The following SKAP1 variants were observed in gnomAD, a reference collection of about 807,000 sequenced individuals.
The protein encoded by SKAP1 is src kinase-associated phosphoprotein 1.
A neutral mutation model predicts 58.5 loss-of-function variants in SKAP1; 44 were observed. That is an observed-to-expected ratio of 0.75 (90% CI 0.59 to 0.97). The LOEUF (loss-of-function observed/expected upper bound fraction) is 0.97. Ranked by LOEUF, SKAP1 falls within the 50% of genes least tolerant of loss-of-function variation. The pLI is 0.00. For missense variants in SKAP1, 390 were observed against 435.2 expected (o/e 0.90, Z 0.92); for synonymous variants, 127 against 149.7 (o/e 0.85, Z 1.11).
At chr17:48,430,006 C>T (rs1446639873) in intron 1 of SKAP1, 69 bp downstream of exon 1, 5 of 1,206,648 alleles carry the variant, frequency 4.1e-6, no homozygotes, top group Middle Eastern at 2.1e-4. Context: ...AAAGCCTGGC[C>T]GTGGGAGGCC....
chr17:48,235,915 A>AC (rs1378803698), intron 4 of SKAP1, among the ~76,000 whole-genome samples: 1 of 152,188 alleles, frequency 6.6e-6, no homozygotes, highest in Non-Finnish European at 1.5e-5. Flanking sequence ...AGCTCAAGGG[A>AC]CCACACTTGC....
intron 4 of SKAP1, among the ~76,000 whole-genome samples, chr17:48,246,735 T>A (rs1158256643): frequency 6.6e-6 from 1 of 152,174 alleles, no homozygotes; most frequent in Non-Finnish European, 1.5e-5. Flanking sequence ...GCTGGTCTTT[T>A]TCATCACTCT....
At chr17:48,443,085 T>C in the SKAP1 span, among the ~76,000 whole-genome samples, 1 of 152,112 alleles carries the variant, frequency 6.6e-6, no homozygotes, top group Non-Finnish European at 1.5e-5. Context: ...TCCTTCTGTC[T>C]ACAACACTCT....
At chr17:48,346,097 T>G in intron 3 of SKAP1, 91 bp from the exon 4 acceptor site, 4 of 652,610 alleles carry the variant, frequency 6.1e-6, no homozygotes, top group Non-Finnish European at 7.4e-6. Flanking sequence ...GTATGATCTC[T>G]TCCAGTATTC....
the SKAP1 span, among the ~76,000 whole-genome samples, chr17:48,435,425 G>A: frequency 6.6e-6 from 1 of 152,166 alleles, no homozygotes; most frequent in Admixed American, 6.5e-5. Context: ...CAGATGAGCT[G>A]TGCACTCTGA....
At chr17:48,208,776 C>T (rs924217679) in intron 4 of SKAP1, among the ~76,000 whole-genome samples, 19 of 152,148 alleles carry the variant, frequency 1.2e-4, no homozygotes, top group African/African-American at 4.6e-4. Flanking sequence ...ACAAAATCAC[C>T]ATAGACAATT....
chr17:48,158,295 C>G (rs1342438902), intron 11 of SKAP1, among the ~76,000 whole-genome samples: 1 of 151,698 alleles, frequency 6.6e-6, no homozygotes, highest in African/African-American at 2.4e-5. Context: ...GCCTGTAATC[C>G]TAACACTTTG....
At chr17:48,300,138 C>T (rs1169489241) in intron 4 of SKAP1, among the ~76,000 whole-genome samples, 1 of 152,150 alleles carries the variant, frequency 6.6e-6, no homozygotes, top group African/African-American at 2.4e-5. Flanking sequence ...TCAGGTCCTT[C>T]CCAGGCTCAC....
intron 11 of SKAP1, among the ~76,000 whole-genome samples, chr17:48,141,441 C>T (rs1161683834): frequency 1.3e-5 from 2 of 152,014 alleles, no homozygotes; most frequent in African/African-American, 2.4e-5. Context: ...TGCACTGACA[C>T]GATCTCAGCT....
chr17:48,296,261 C>T (rs2065969973), intron 4 of SKAP1, among the ~76,000 whole-genome samples: 1 of 152,102 alleles, frequency 6.6e-6, no homozygotes, highest in African/African-American at 2.4e-5. Context: ...GCAATGCATA[C>T]TTTACAGATG....
chr17:48,414,707 A>G (rs2067711355), intron 1 of SKAP1, among the ~76,000 whole-genome samples: 1 of 152,168 alleles, frequency 6.6e-6, no homozygotes, highest in South Asian at 2.1e-4. Flanking sequence ...CTGAAGGACA[A>G]GGGAAAAGAG....
At chr17:48,202,527 C>T (rs1485191959) in intron 4 of SKAP1, among the ~76,000 whole-genome samples, 1 of 152,060 alleles carries the variant, frequency 6.6e-6, no homozygotes, top group Non-Finnish European at 1.5e-5. Context: ...AATCACCCTC[C>T]CTTAAAAAAG....
intron 2 of SKAP1, among the ~76,000 whole-genome samples, chr17:48,379,505 T>C (rs946933503): frequency 6.6e-6 from 1 of 152,216 alleles, no homozygotes; most frequent in African/African-American, 2.4e-5. Flanking sequence ...CCTATCCTTA[T>C]GTGTACACTT....
chr17:48,377,343 G>A (rs937664854), intron 2 of SKAP1: 2 of 151,992 alleles, frequency 1.3e-5, no homozygotes, highest in African/African-American at 4.8e-5. Context: ...GGAGGCCAAG[G>A]TGGGCAGATC....
chr17:48,277,067 T>C (rs2065709896), intron 4 of SKAP1, among the ~76,000 whole-genome samples: 1 of 152,234 alleles, frequency 6.6e-6, no homozygotes, highest in Admixed American at 6.5e-5. Context: ...ATAAGCATCA[T>C]AGGCCTAAAA....
intron 4 of SKAP1, among the ~76,000 whole-genome samples, chr17:48,263,062 T>G (rs1953672246): frequency 6.6e-6 from 1 of 152,200 alleles, no homozygotes; most frequent in Admixed American, 6.5e-5. Context: ...GTTAGGATGT[T>G]TCAAACTAAC....
At chr17:48,326,048 G>A (rs750080502) in intron 4 of SKAP1, among the ~76,000 whole-genome samples, 16 of 152,264 alleles carry the variant, frequency 1.1e-4, no homozygotes, top group South Asian at 2.1e-4. Flanking sequence ...TGCAAACAAC[G>A]TAAATCTACA....
intron 1 of SKAP1, among the ~76,000 whole-genome samples, chr17:48,408,936 G>A (rs2067625817): frequency 6.6e-6 from 1 of 152,190 alleles, no homozygotes; most frequent in African/African-American, 2.4e-5. Flanking sequence ...GACTTAACAA[G>A]TTCCCTCGAT....
chr17:48,147,482 G>A (rs1365538683), intron 11 of SKAP1, among the ~76,000 whole-genome samples: 2 of 152,180 alleles, frequency 1.3e-5, no homozygotes, highest in Non-Finnish European at 2.9e-5. Flanking sequence ...CATACCCTAT[G>A]AAATAAATTA....
Sources: allele counts gnomAD v4.1 joint callset (sites outside exome capture counted in the v4.1 genomes callset), GRCh38; gene constraint gnomAD v4.1.1; transcripts MANE v1.5; gene names NCBI Gene and HGNC (gene_info 2026-07-23, HGNC 2026-07-21).